The following GABRA4 variants were observed in gnomAD, a reference collection of about 807,000 sequenced individuals.
The protein encoded by GABRA4 is gamma-aminobutyric acid type A receptor subunit alpha4, also known as gamma-aminobutyric acid receptor subunit alpha-4.
In GABRA4, 12 loss-of-function variants were observed where a neutral mutation model predicts 49.7. The observed-to-expected ratio is 0.24, with a 90% CI of 0.15 to 0.39. The LOEUF (loss-of-function observed/expected upper bound fraction) is 0.39, where lower values mean the gene tolerates loss of function less well. GABRA4 is among the 10% of genes least tolerant of loss of function. The pLI is 1.00. For synonymous variants in GABRA4, 288 were observed against 240.2 expected (o/e 1.20, Z -1.84); for missense variants, 506 against 686.0 (o/e 0.74, Z 2.93).
intron 8 of GABRA4, among the ~76,000 whole-genome samples, chr4:46,956,876 T>C (rs1234818618): frequency 1.3e-5 from 2 of 152,098 alleles, no homozygotes; most frequent in African/African-American, 4.8e-5. Context: ...CATTATGCTA[T>C]GTGCTGTATG....
intron 2 of GABRA4, 96 bp downstream of exon 2, chr4:46,992,732 G>A (rs1486753902): frequency 1.9e-5 from 17 of 890,706 alleles, no homozygotes; most frequent in Non-Finnish European, 3.0e-5. Flanking sequence ...ATTTTTGCAC[G>A]TGAGGCATAC....
At chr4:46,932,219 A>G (rs1721463619) in intron 8 of GABRA4, among the ~76,000 whole-genome samples, 1 of 152,092 alleles carries the variant, frequency 6.6e-6, no homozygotes, top group South Asian at 2.1e-4. Context: ...GCCCTTCATA[A>G]TCCCACTCTA....
intron 8 of GABRA4, among the ~76,000 whole-genome samples, chr4:46,946,278 T>C (rs1221418546): frequency 2.6e-5 from 4 of 152,154 alleles, no homozygotes; most frequent in Non-Finnish European, 5.9e-5. Context: ...GCCAGCTATA[T>C]TGCAACCTTC....
intron 8 of GABRA4, among the ~76,000 whole-genome samples, chr4:46,930,431 TA>T (rs1470363550): frequency 6.6e-6 from 1 of 151,646 alleles, no homozygotes. Context: ...GTGAATAACA[TA>T]AAAAAAGAAC....
chr4:46,957,145 CTT>C (rs567302902), intron 8 of GABRA4, among the ~76,000 whole-genome samples: 6 of 151,794 alleles, frequency 4.0e-5, no homozygotes, highest in Admixed American at 1.3e-4. Context: ...TATTATAAGC[CTT>C]TCCAGTAGAT....
intron 2 of GABRA4, among the ~76,000 whole-genome samples, chr4:46,979,960 G>T (rs1392588984): frequency 1.3e-5 from 2 of 152,034 alleles, no homozygotes; most frequent in African/African-American, 4.8e-5. Context: ...TTTTAGACAA[G>T]GGAACACAAT....
chr4:46,980,480 G>A (rs568790364), intron 2 of GABRA4, among the ~76,000 whole-genome samples: 72 of 151,392 alleles, frequency 4.8e-4, no homozygotes, highest in African/African-American at 1.7e-3. Flanking sequence ...AAAGAATGAA[G>A]ATTGATCCAC....
chr4:46,987,086 C>T (rs1482564758), intron 2 of GABRA4, among the ~76,000 whole-genome samples: 2 of 152,070 alleles, frequency 1.3e-5, no homozygotes, highest in African/African-American at 4.8e-5. Context: ...CTGCTAAAAT[C>T]TTTCCAGTCA....
rs77078760 is a variant in GABRA4, at chr4:46,944,167, T to C, written c.1135-15412A>G. Among the ~76,000 whole-genome samples the C allele has an allele frequency of 9.9e-5, 15 of 152,260 alleles. No individual in the cohort carries two copies. In the East Asian group the frequency reaches 2.9e-3, roughly 29 times the overall value. ...ACAAAAAAGTATCTATGTTAAGAGA[T>C]AGACATGTTGATTAGCTTGATTGTA... On this transcript the variant is annotated intron_variant, in intron 8 of 8. Transcript: ENST00000264318.
intron 8 of GABRA4, among the ~76,000 whole-genome samples, chr4:46,929,641 C>A (rs1289968734): frequency 6.6e-6 from 1 of 152,064 alleles, no homozygotes; most frequent in Non-Finnish European, 1.5e-5. Flanking sequence ...ATTATAGATT[C>A]TCCATGCTAA....
intron 2 of GABRA4, among the ~76,000 whole-genome samples, chr4:46,983,062 G>A (rs1331137848): frequency 2.6e-5 from 4 of 152,004 alleles, no homozygotes; most frequent in East Asian, 1.9e-4. Flanking sequence ...CTCCAAAGGC[G>A]CTATCCTCAT....
At position 46,977,445 on chromosome 4, in the gene GABRA4, T is replaced by C. The variant is rs1309324349; in HGVS notation, c.459A>G (p.Arg153=). ...ATAAAATAGTACCATTTCTCATAAT[T>C]CTAAAAAGCTTATTTGGAGCTGTCA... The part of the protein sequence containing the change: ...HNMTAPNKLF[R]IMRNGTILYT... Residue 153 remains arginine, a synonymous_variant, in exon 4 of 9, where the codon AGA becomes AGG. Coordinates refer to ENST00000264318, the MANE Select transcript of GABRA4 (RefSeq NM_000809.4). The C allele has an allele frequency of 6.2e-7, 1 of 1,604,128 alleles. No individual in the cohort carries two copies. The highest frequency in any genetic ancestry group is 1.3e-5 in the African/African-American group (1 of 74,696).
chr4:46,979,330 C>A (rs1723267949), intron 2 of GABRA4, among the ~76,000 whole-genome samples: 1 of 152,022 alleles, frequency 6.6e-6, no homozygotes, highest in Non-Finnish European at 1.5e-5. Context: ...TTACCAGGAA[C>A]CTTGTTTCTT....
intron 8 of GABRA4, among the ~76,000 whole-genome samples, chr4:46,952,744 G>C (rs1168363504): frequency 6.6e-6 from 1 of 152,054 alleles, no homozygotes; most frequent in Non-Finnish European, 1.5e-5. Flanking sequence ...GTTGAGGAAA[G>C]TTGTTTAAAG....
At chr4:46,977,721 C>A in intron 3 of GABRA4, 91 bp from the exon 4 acceptor site, 2 of 849,308 alleles carry the variant, frequency 2.4e-6, no homozygotes, top group Admixed American at 2.7e-5. Flanking sequence ...TTCCTTCATG[C>A]TCATAAAAAA....
intron 3 of GABRA4, among the ~76,000 whole-genome samples, chr4:46,978,830 C>G (rs1723245981): frequency 6.6e-6 from 1 of 151,328 alleles, no homozygotes. Flanking sequence ...GACCCTAAAT[C>G]AACAAGTACT....
chr4:46,967,601 G>A (rs752071451), intron 7 of GABRA4, among the ~76,000 whole-genome samples: 2 of 151,556 alleles, frequency 1.3e-5, no homozygotes, highest in African/African-American at 2.4e-5. Context: ...GAAAACCAGT[G>A]GAATAGCAAA....
At chr4:46,951,655 G>T (rs905074858) in intron 8 of GABRA4, among the ~76,000 whole-genome samples, 1 of 151,778 alleles carries the variant, frequency 6.6e-6, no homozygotes, top group African/African-American at 2.4e-5. Context: ...GCTAAACGGT[G>T]GGGCTTCTTC....
At position 46,928,478 on chromosome 4, in the gene GABRA4, C is replaced by A; in HGVS notation, c.1412G>T (p.Gly471Val). The change falls in exon 9 of 9, where the codon GGA becomes GTA. Residue 471 changes from glycine to valine, a missense_variant. Physicochemically the swap from Gly to Val is moderately radical, Grantham distance 109 (BLOSUM62 -3). Transcript: ENST00000264318. ...AAACACGTGACGAGTAGAAGCAGAT[C>A]CAACTGAAGCCTTTCGAGGCATATA... ...TGYMPRKASVGSASTRHVFGS... is the reference protein window; with the variant it reads ...TGYMPRKASVVSASTRHVFGS... 3 of 1,613,584 alleles carry A rather than the reference C, an allele frequency of 1.9e-6. No homozygotes were observed. Among genetic ancestry groups the A allele is most frequent in the Non-Finnish European group, 2.5e-6 (3 of 1,179,692 alleles).
Sources: allele counts gnomAD v4.1 joint callset (sites outside exome capture counted in the v4.1 genomes callset), GRCh38; gene constraint gnomAD v4.1.1; transcripts MANE v1.5; gene names NCBI Gene and HGNC (gene_info 2026-07-23, HGNC 2026-07-21).